UPP1: variants seen among roughly 807,000 people sequenced by gnomAD.
UPP1 encodes UPase 1.
UPP1 carries 25 observed loss-of-function variants against 29.6 expected under a neutral mutation model. The observed-to-expected ratio is 0.85, with a 90% CI of 0.62 to 1.18. The LOEUF (loss-of-function observed/expected upper bound fraction) is 1.18. UPP1 is among the 50% of genes most tolerant of loss of function. UPP1 has a pLI of 0.00. For synonymous variants in UPP1, 165 were observed against 159.8 expected (o/e 1.03, Z -0.25); for missense variants, 368 against 410.4 (o/e 0.90, Z 0.89).
chr7:48,100,834 AT>A (rs1792378457), intron 4 of UPP1, among the ~76,000 whole-genome samples: 1 of 152,084 alleles, frequency 6.6e-6, no homozygotes, highest in African/African-American at 2.4e-5. Context: ...ATCCGTAGTG[AT>A]TTTTATTCCA....
At position 48,094,792 on chromosome 7, in the gene UPP1, C is replaced by T. The variant is rs747079471; in HGVS notation, c.9C>T (p.Ala3=). ...CTGCCTCAGTTGGCGGAATGGCGGCCACGGGAGCCAATGCAGAGAAAGCTG... is the reference window on the plus strand; with the variant it reads ...CTGCCTCAGTTGGCGGAATGGCGGCTACGGGAGCCAATGCAGAGAAAGCTG... MA[A]TGANAEKAES... is the part of the protein sequence containing the mutation. Residue 3 remains alanine (A), a synonymous_variant, in exon 3 of 9, where the codon GCC becomes GCT. Coordinates refer to ENST00000395564, the MANE Select transcript of UPP1 (RefSeq NM_003364.4). 6.8e-6 allele frequency: 11 copies of T among 1,613,894 alleles called. No individual in the cohort carries two copies. The highest frequency in any genetic ancestry group is 5.0e-5 in the Admixed American group (3 of 59,984).
chr7:48,091,861 T>C (rs1414031265), intron 2 of UPP1, among the ~76,000 whole-genome samples: 1 of 152,232 alleles, frequency 6.6e-6, no homozygotes, highest in Non-Finnish European at 1.5e-5. Context: ...AACTGATTTC[T>C]CTGCTGATGT....
At chr7:48,108,156 C>T in intron 8 of UPP1, 62 bp from the exon 9 acceptor site, 4 of 1,574,276 alleles carry the variant, frequency 2.5e-6, no homozygotes, top group Non-Finnish European at 2.6e-6. Context: ...GTTCTTCATC[C>T]CGTCCCTGTG....
chr7:48,104,989 GATA>G (rs1438125035), intron 6 of UPP1: 1 of 152,232 alleles, frequency 6.6e-6, no homozygotes, highest in African/African-American at 2.4e-5. Context: ...GGACACAGTT[GATA>G]ATAAAAGGTG....
chr7:48,092,546 A>G (rs151030932), intron 2 of UPP1, among the ~76,000 whole-genome samples: 3 of 152,010 alleles, frequency 2.0e-5, no homozygotes, highest in Non-Finnish European at 4.4e-5. Flanking sequence ...TTTAAAACTC[A>G]TTCCCTTCAC....
Position 48,099,522 on chromosome 7 carries a change from G to A in UPP1, c.45-148G>A, listed in dbSNP as rs1285211763. On this transcript the variant is annotated intron_variant, in intron 3 of 8. Transcript: ENST00000395564. Reference sequence around the variant, plus strand: ...CAGAGGGGAGGCAAGTGCGGACCTTGGCAATGTTGGGGTTGTCTTATCTCC... The same window carrying A: ...CAGAGGGGAGGCAAGTGCGGACCTTAGCAATGTTGGGGTTGTCTTATCTCC... 4 of 613,550 alleles carry A rather than the reference G, an allele frequency of 6.5e-6. No homozygotes were observed. In the East Asian group the frequency reaches 8.4e-5, roughly 13 times the overall value. The allele number at this position is 613,550 out of a possible 1,614,324, so 38.0% of individuals were successfully genotyped here.
At chr7:48,107,561 CCTGGAGCCCCTCG>C in intron 8 of UPP1, 54 bp downstream of exon 8, 3 of 1,530,818 alleles carry the variant, frequency 2.0e-6, no homozygotes, top group East Asian at 2.3e-5. Flanking sequence ...CTTCTGCTCT[CCTGGAGCCCCTCG>C]CTGGGGCCCC....
chr7:48,095,391 C>T (rs1241495132), intron 3 of UPP1, among the ~76,000 whole-genome samples: 1 of 152,124 alleles, frequency 6.6e-6, no homozygotes, highest in Non-Finnish European at 1.5e-5. Flanking sequence ...GTCCTGCCGC[C>T]ATGGCCTCTC....
chr7:48,094,677 C>A, intron 2 of UPP1, 86 bp from the exon 3 acceptor site: 1 of 1,204,888 alleles, frequency 8.3e-7, no homozygotes, highest in Non-Finnish European at 1.2e-6. Context: ...CTTCATTGCA[C>A]TGACTTTCTA....
intron 4 of UPP1, among the ~76,000 whole-genome samples, chr7:48,101,227 TACTC>T (rs1205440808): frequency 1.3e-5 from 2 of 152,060 alleles, no homozygotes; most frequent in Non-Finnish European, 2.9e-5. Flanking sequence ...TTTAAAAACT[TACTC>T]ACTTAAAAAA....
intron 3 of UPP1, among the ~76,000 whole-genome samples, chr7:48,096,014 C>T (rs939632212): frequency 6.6e-6 from 1 of 152,182 alleles, no homozygotes; most frequent in African/African-American, 2.4e-5. Context: ...GCCAAAAATG[C>T]CTTGTCCCCA....
At chr7:48,104,034 A>G in intron 6 of UPP1, 1 of 569,966 alleles carries the variant, frequency 1.8e-6, no homozygotes, top group Non-Finnish European at 2.6e-6. Context: ...CCTGGCCAAC[A>G]TGGTGAAACC....
chr7:48,094,014 G>A (rs1039850789), intron 2 of UPP1, among the ~76,000 whole-genome samples: 4 of 152,112 alleles, frequency 2.6e-5, no homozygotes, highest in African/African-American at 9.7e-5. Flanking sequence ...ACAAAAATTA[G>A]CTGAACATGG....
intron 2 of UPP1, among the ~76,000 whole-genome samples, chr7:48,093,936 G>C (rs1370006673): frequency 1.3e-5 from 2 of 152,182 alleles, no homozygotes; most frequent in Non-Finnish European, 1.5e-5. Flanking sequence ...GAGGCTGGTG[G>C]ATCACCTGGG....
Position 48,094,769 on chromosome 7 carries a change from G to A in UPP1, c.-15G>A, listed in dbSNP as rs752261850. 2.2e-5 allele frequency: 35 copies of A among 1,614,094 alleles called. No homozygotes were observed. In the South Asian group the frequency reaches 3.7e-4, roughly 17 times the overall value. On this transcript the variant is annotated 5_prime_UTR_variant, in exon 3 of 9. Coordinates refer to ENST00000395564, the MANE Select transcript of UPP1 (RefSeq NM_003364.4). ...TGTGATTTTTTTTCCTTAGGGTCCT[G>A]CCTCAGTTGGCGGAATGGCGGCCAC...
chr7:48,091,643 TC>T (rs1791840496), intron 2 of UPP1, among the ~76,000 whole-genome samples: 2 of 152,226 alleles, frequency 1.3e-5, no homozygotes. Flanking sequence ...ACTGCAGACA[TC>T]TGCAACTTTC....
At chr7:48,099,187 A>G (rs1466379457) in intron 3 of UPP1, among the ~76,000 whole-genome samples, 1 of 152,218 alleles carries the variant, frequency 6.6e-6, no homozygotes, top group Non-Finnish European at 1.5e-5. Flanking sequence ...TAGTGTAACA[A>G]AAACAAAAAC....
chr7:48,098,254 G>T (rs886433100), intron 3 of UPP1, among the ~76,000 whole-genome samples: 12 of 152,176 alleles, frequency 7.9e-5, no homozygotes. Context: ...GAATTGATGG[G>T]AAGGAACATT....
chr7:48,093,321 C>T (rs1791947323), intron 2 of UPP1, among the ~76,000 whole-genome samples: 1 of 152,174 alleles, frequency 6.6e-6, no homozygotes, highest in Admixed American at 6.5e-5. Flanking sequence ...AGCTTGGTGA[C>T]AAGAGACTGC....
Sources: allele counts gnomAD v4.1 joint callset (sites outside exome capture counted in the v4.1 genomes callset), GRCh38; gene constraint gnomAD v4.1.1; transcripts MANE v1.5; gene names NCBI Gene and HGNC (gene_info 2026-07-23, HGNC 2026-07-21).